GC: variants seen among roughly 807,000 people sequenced by gnomAD.
GC encodes the protein vitamin D-binding protein.
In GC, 43 loss-of-function variants were observed where a neutral mutation model predicts 56.7. That is an observed-to-expected ratio of 0.76 (90% confidence interval 0.59 to 0.98). The LOEUF is 0.98. GC is among the 50% of genes least tolerant of loss of function. The pLI, the probability that GC is intolerant of heterozygous loss-of-function variation, is 0.00. For missense variants in GC, 529 were observed against 545.9 expected, an observed-to-expected ratio of 0.97 and a Z score of 0.31; for synonymous variants, 216 against 202.7, an observed-to-expected ratio of 1.07 and a Z score of -0.56.
rs928467062 is a variant in GC, at chr4:71,748,862, C to T, written c.1396-2657G>A. On this transcript the variant is annotated intron_variant, in intron 11 of 12. Transcript: ENST00000273951. Reference sequence around the variant, plus strand: ...TTTGGAATGACAAGTAGAGACTGATCCCTGGATATAAGTGACTTGCAGTGA... The same window carrying T: ...TTTGGAATGACAAGTAGAGACTGATTCCTGGATATAAGTGACTTGCAGTGA... Among the ~76,000 whole-genome samples, 25 of 152,146 alleles carry T rather than the reference C, an allele frequency of 1.6e-4. No individual in the cohort carries two copies. In the South Asian group the frequency reaches 2.3e-3, roughly 14 times the overall value.
intron 11 of GC, among the ~76,000 whole-genome samples, chr4:71,746,965 A>T (rs1741397519): frequency 6.6e-6 from 1 of 151,970 alleles, no homozygotes; most frequent in Non-Finnish European, 1.5e-5. Context: ...CAGGTGAAAG[A>T]TTGCCTGAAA....
At chr4:71,760,796 G>A (rs1741943794) in intron 6 of GC, among the ~76,000 whole-genome samples, 1 of 152,130 alleles carries the variant, frequency 6.6e-6, no homozygotes, top group South Asian at 2.1e-4. Flanking sequence ...GAGTTTCTCT[G>A]CACAAGCTCT....
chr4:71,778,891 G>GTTATTGTTATTATTATTA (rs71213587), intron 1 of GC, among the ~76,000 whole-genome samples: 1,452 of 143,294 alleles, frequency 0.01, 18 homozygotes, highest in Non-Finnish European at 0.014. Context: ...ATTGCTGTCA[G>GTTATTGTTATTATTATTA]TTATTATTAT....
At chr4:71,754,796 A>G (rs1258670670) in intron 9 of GC, among the ~76,000 whole-genome samples, 182 bp downstream of exon 9, 1 of 152,220 alleles carries the variant, frequency 6.6e-6, no homozygotes, top group Non-Finnish European at 1.5e-5. Flanking sequence ...AATAATTTTC[A>G]TGGGTCATGA....
intron 11 of GC, among the ~76,000 whole-genome samples, chr4:71,749,604 G>T (rs981034957): frequency 3.3e-5 from 5 of 152,218 alleles, no homozygotes; most frequent in African/African-American, 1.2e-4. Flanking sequence ...ATTTTTCTAG[G>T]TTAAGGCCAC....
chr4:71,775,035 T>G (rs1304570813), intron 1 of GC, among the ~76,000 whole-genome samples: 1 of 142,990 alleles, frequency 7.0e-6, no homozygotes, highest in Non-Finnish European at 1.5e-5. Flanking sequence ...CCCGGCCCTT[T>G]TTTTTTTTTT....
chr4:71,749,488 T>C (rs2149293667), intron 11 of GC, among the ~76,000 whole-genome samples: 1 of 152,326 alleles, frequency 6.6e-6, no homozygotes, highest in East Asian at 1.9e-4. Flanking sequence ...GTGATATTTC[T>C]TATAGAATCT....
intron 1 of GC, among the ~76,000 whole-genome samples, chr4:71,793,252 A>G (rs1226711516): frequency 6.6e-6 from 1 of 152,212 alleles, no homozygotes; most frequent in Non-Finnish European, 1.5e-5. Context: ...TACCTTGGGC[A>G]GTATGGCCAT....
chr4:71,754,372 T>G (rs749517154), intron 10 of GC, 39 bp downstream of exon 10: 1 of 906,638 alleles, frequency 1.1e-6, no homozygotes, highest in South Asian at 1.4e-5. Context: ...AAAATATTAT[T>G]GATAAATTTG....
intron 1 of GC, among the ~76,000 whole-genome samples, chr4:71,780,100 C>A (rs146988975): frequency 1.5e-4 from 23 of 152,110 alleles, no homozygotes; most frequent in African/African-American, 5.5e-4. Context: ...ACCCTCTGAT[C>A]TTTGACAAAC....
At chr4:71,778,429 T>C (rs990718829) in intron 1 of GC, among the ~76,000 whole-genome samples, 4 of 151,924 alleles carry the variant, frequency 2.6e-5, no homozygotes, top group South Asian at 4.1e-4. Context: ...ACCACACAAC[T>C]TACATTTGAT....
intron 6 of GC, among the ~76,000 whole-genome samples, chr4:71,759,187 T>C (rs1248271499): frequency 6.6e-6 from 1 of 152,150 alleles, no homozygotes; most frequent in Non-Finnish European, 1.5e-5. Context: ...CATTCATCTG[T>C]TGATGGACAT....
intron 1 of GC, among the ~76,000 whole-genome samples, chr4:71,795,643 TTAGCCCATTTAC>T (rs1411596192): frequency 2.0e-5 from 3 of 152,352 alleles, no homozygotes; most frequent in Admixed American, 2.0e-4. Flanking sequence ...ATTGGGGCAT[TTAGCCCATTTAC>T]ATTTAAGGTT....
intron 1 of GC, among the ~76,000 whole-genome samples, chr4:71,797,268 T>G (rs1743128620): frequency 6.6e-6 from 1 of 152,258 alleles, no homozygotes; most frequent in Admixed American, 6.5e-5. Context: ...TGCTGCCTTT[T>G]GTTCAGCTAC....
rs755301123 is a variant in GC, at chr4:71,769,358, T to C, written c.101A>G (p.His34Arg). ...EKNKVCKEFS[H>R]LGKEDFTSLS... ...AGATGTGAAGTCCTCCTTTCCCAGA[T>C]GGGAGAATTCCTTGCAGACTTTATT... The change falls in exon 2 of 13, where the codon CAT becomes CGT. Residue 34 changes from histidine (H) to arginine (R), a missense_variant. Physicochemically the swap from His to Arg is conservative, Grantham distance 29. Coordinates refer to ENST00000273951, the MANE Select transcript of GC (RefSeq NM_000583.4). The C allele has an allele frequency of 1.2e-6, 2 of 1,613,128 alleles. No homozygotes were observed. The highest frequency in any genetic ancestry group is 1.7e-6 in the Non-Finnish European group (2 of 1,179,216).
chr4:71,761,202 G>A (rs888389366), intron 6 of GC, among the ~76,000 whole-genome samples: 1 of 152,198 alleles, frequency 6.6e-6, no homozygotes, highest in African/African-American at 2.4e-5. Context: ...GGTCTCAGAT[G>A]GAAATGAGGA....
upstream of GC, among the ~76,000 whole-genome samples, chr4:71,805,081 C>A (rs1238213154): frequency 6.6e-6 from 1 of 152,032 alleles, no homozygotes; most frequent in Non-Finnish European, 1.5e-5. Context: ...AGATTTCTGC[C>A]CACTTGTTCC....
chr4:71,803,024 G>A (rs558004781), intron 1 of GC, among the ~76,000 whole-genome samples: 6 of 152,278 alleles, frequency 3.9e-5, no homozygotes, highest in African/African-American at 1.4e-4. Context: ...ATTCAAATGT[G>A]TGAATGAGAT....
chr4:71,780,521 T>G (rs956418447), intron 1 of GC, among the ~76,000 whole-genome samples: 6 of 151,270 alleles, frequency 4.0e-5, no homozygotes. Context: ...TACAAAGAAC[T>G]TAAACAAATT....
Sources: allele counts gnomAD v4.1 joint callset (sites outside exome capture counted in the v4.1 genomes callset), GRCh38; gene constraint gnomAD v4.1.1; transcripts MANE v1.5; gene names NCBI Gene and HGNC (gene_info 2026-07-23, HGNC 2026-07-21).